Variants in ERCC6L2 observed in about 807,000 individuals in gnomAD.
ERCC6L2 encodes ERCC excision repair 6 like 2.
Under a neutral mutation model 132.0 loss-of-function variants are expected in ERCC6L2, and 77 were observed. The ratio of observed to expected loss-of-function variants is 0.58; its 90% CI spans 0.49 to 0.71. The LOEUF is 0.71. Among genes scored for constraint, ERCC6L2 ranks in the 30% least tolerant of loss-of-function variants. ERCC6L2 has a pLI of 0.00. For synonymous variants in ERCC6L2, 583 were observed against 632.4 expected, an observed-to-expected ratio of 0.92 and a Z score of 1.17; for missense variants, 1,542 against 1,837.6, an observed-to-expected ratio of 0.84 and a Z score of 2.94.
At chr9:96,029,323 A>C (rs112536494) in intron 19 of ERCC6L2, among the ~76,000 whole-genome samples, 25 of 142,298 alleles carry the variant, frequency 1.8e-4, no homozygotes, top group East Asian at 6.8e-4. Flanking sequence ...AAAAAAAAAA[A>C]CAAAAAAAAA....
intron 12 of ERCC6L2, among the ~76,000 whole-genome samples, chr9:95,944,957 G>A (rs912006357): frequency 6.6e-6 from 1 of 152,144 alleles, no homozygotes; most frequent in East Asian, 1.9e-4. Context: ...CAGGACCGGG[G>A]CGAAATTAAA....
At chr9:96,025,300 T>C (rs560465075) in intron 19 of ERCC6L2, among the ~76,000 whole-genome samples, 6 of 152,176 alleles carry the variant, frequency 3.9e-5, no homozygotes, top group Middle Eastern at 3.2e-3. Context: ...GGCTGCATCA[T>C]GGGAGTGCAG....
chr9:96,000,365 T>C (rs1317291806), intron 17 of ERCC6L2, among the ~76,000 whole-genome samples: 1 of 152,180 alleles, frequency 6.6e-6, no homozygotes, highest in Non-Finnish European at 1.5e-5. Context: ...CTCTTGCTTT[T>C]GTCAGTTTCA....
At position 95,923,509 on chromosome 9, in the gene ERCC6L2, G is replaced by T. The variant is rs1829969622; in HGVS notation, c.1533+130G>T. 5.7e-6 allele frequency: 6 copies of T among 1,053,048 alleles called. No individual in the cohort carries two copies. The East Asian group carries it at 1.3e-4, about 22-fold the overall frequency. The allele number at this position is 1,053,048 out of a possible 1,614,324, so 65.2% of individuals were successfully genotyped here. A position where few individuals can be genotyped will look rare whatever the true frequency, so the allele number is the denominator to read the frequency against. Reference sequence around the variant, plus strand: ...GAAGAGATGGTGGCTATGGACAAGTGGTGCAATTGTATCAGCATTTACTAG... The same window carrying T: ...GAAGAGATGGTGGCTATGGACAAGTTGTGCAATTGTATCAGCATTTACTAG... On this transcript the variant is annotated intron_variant, in intron 9 of 18. Transcript: ENST00000653738.
intron 18 of ERCC6L2, among the ~76,000 whole-genome samples, chr9:96,007,036 G>A (rs1833885967): frequency 6.6e-6 from 1 of 152,132 alleles, no homozygotes; most frequent in African/African-American, 2.4e-5. Context: ...TGGAGGGAGA[G>A]AGAAGCAAGG....
chr9:95,933,115 T>A (rs1312880443), intron 11 of ERCC6L2, among the ~76,000 whole-genome samples: 1 of 152,196 alleles, frequency 6.6e-6, no homozygotes, highest in African/African-American at 2.4e-5. Flanking sequence ...CTAGTAGAGA[T>A]CTTATCTGTG....
chr9:95,937,848 C>T (rs1830625271), intron 11 of ERCC6L2, among the ~76,000 whole-genome samples: 1 of 150,842 alleles, frequency 6.6e-6, no homozygotes, highest in Non-Finnish European at 1.5e-5. Flanking sequence ...CTTTCTTCTG[C>T]TTGCTTTTTT....
intron 9 of ERCC6L2, among the ~76,000 whole-genome samples, chr9:95,927,221 AAGTT>A (rs1484270094): frequency 2.6e-5 from 4 of 152,138 alleles, no homozygotes; most frequent in Admixed American, 2.0e-4. Flanking sequence ...GTAGAGGTCA[AAGTT>A]AGCACAATAG....
At chr9:95,914,401 T>G (rs927438680) in intron 4 of ERCC6L2, among the ~76,000 whole-genome samples, 1 of 152,168 alleles carries the variant, frequency 6.6e-6, no homozygotes, top group Non-Finnish European at 1.5e-5. Flanking sequence ...GTCACCAGGC[T>G]AGAGTGCAGT....
intron 15 of ERCC6L2, chr9:95,971,401 A>C (rs1351952467): frequency 6.6e-6 from 1 of 152,194 alleles, no homozygotes; most frequent in Non-Finnish European, 1.5e-5. Flanking sequence ...TACATATTGA[A>C]TTTAAATTTG....
chr9:95,905,474 A>C (rs947825830), intron 3 of ERCC6L2, among the ~76,000 whole-genome samples: 1 of 152,296 alleles, frequency 6.6e-6, no homozygotes, highest in South Asian at 2.1e-4. Flanking sequence ...CAAGTGGAAA[A>C]CTACTAAGAC....
chr9:95,984,266 ATGTT>A (rs960306267), intron 17 of ERCC6L2, among the ~76,000 whole-genome samples: 1 of 149,328 alleles, frequency 6.7e-6, no homozygotes, highest in African/African-American at 2.4e-5. Flanking sequence ...ACATACATGT[ATGTT>A]ATGTATATGA....
chr9:95,907,253 G>C lies in ERCC6L2; in HGVS notation c.770G>C (p.Cys257Ser). The C allele has an allele frequency of 6.2e-7, 1 of 1,610,480 alleles. No individual in the cohort carries two copies. The highest frequency in any genetic ancestry group is 1.7e-5 in the Admixed American group (1 of 59,482). The change falls in exon 4 of 19, where the codon TGC (cysteine) becomes TCC (serine). Residue 257 changes from cysteine to serine, a missense_variant. Cys to Ser is a moderately radical substitution (Grantham distance 112). Around this residue, in one of 4 missense-constraint regions of ERCC6L2, gnomAD observed 945 missense variants for 1,105.2 expected, o/e 0.86. Transcript: ENST00000653738. ...ACAACTTATGAAACACTACGCTTAT[G>C]CCTGGATGAACTTAACAGGTAATGG... ...ALTTYETLRL[C>S]LDELNSLEWS...
At chr9:95,895,837 C>T (rs1445115551) in intron 2 of ERCC6L2, among the ~76,000 whole-genome samples, 8 of 151,662 alleles carry the variant, frequency 5.3e-5, no homozygotes, top group Non-Finnish European at 1.0e-4. Context: ...CGCCATTCTC[C>T]TGCCTCAGCC....
downstream of ERCC6L2, chr9:96,021,329 T>C: frequency 3.1e-6 from 1 of 327,098 alleles, no homozygotes; most frequent in Non-Finnish European, 5.9e-6. This position sits in a 1 kb window ranked among gnomAD's most constrained non-coding sequence, Gnocchi z 4.7. Context: ...CTTGGCCGGC[T>C]GGAAACGGGA....
At chr9:95,929,293 C>T (rs921644680) in intron 11 of ERCC6L2, among the ~76,000 whole-genome samples, 2 of 152,220 alleles carry the variant, frequency 1.3e-5, no homozygotes, top group African/African-American at 4.8e-5. Flanking sequence ...TACCTCATCT[C>T]AACTGGAGCA....
At chr9:96,024,639 T>A (rs1834338235) in intron 19 of ERCC6L2, among the ~76,000 whole-genome samples, 1 of 152,114 alleles carries the variant, frequency 6.6e-6, no homozygotes, top group Non-Finnish European at 1.5e-5. Context: ...TAGGGGCCCC[T>A]CCACTCACTC....
chr9:95,958,053 G>C (rs1332023178), intron 13 of ERCC6L2, among the ~76,000 whole-genome samples: 1 of 114,662 alleles, frequency 8.7e-6, no homozygotes, highest in Non-Finnish European at 1.6e-5. Context: ...ACAGTCCCCA[G>C]AGTGTGGTGT....
At chr9:95,898,084 G>A (rs1828562316) in intron 3 of ERCC6L2, 113 bp downstream of exon 3, 2 of 938,758 alleles carry the variant, frequency 2.1e-6, no homozygotes, top group Non-Finnish European at 1.5e-6. Context: ...TAAAACCTAA[G>A]AATTTAAAGA....
Sources: allele counts gnomAD v4.1 joint callset (sites outside exome capture counted in the v4.1 genomes callset), GRCh38; gene constraint gnomAD v4.1.1; regional missense constraint gnomAD v4.1.1; non-coding constraint Gnocchi (gnomAD v3.1); transcripts MANE v1.5; gene names NCBI Gene and HGNC (gene_info 2026-07-23, HGNC 2026-07-21).